SLC4A1AP: variants seen among roughly 807,000 people sequenced by gnomAD.
The protein encoded by SLC4A1AP is solute carrier family 4 member 1 adaptor protein, also known as kanadaptin.
Under a neutral mutation model 89.7 loss-of-function variants are expected in SLC4A1AP, and 64 were observed. That is an observed-to-expected ratio of 0.71 (90% CI 0.58 to 0.88). The LOEUF (loss-of-function observed/expected upper bound fraction) is 0.88, where lower values mean the gene tolerates loss of function less well. SLC4A1AP is among the 40% of genes least tolerant of loss of function. SLC4A1AP has a pLI of 0.00. For synonymous variants in SLC4A1AP, 366 were observed against 353.3 expected (o/e 1.04, Z -0.40); for missense variants, 931 against 965.0 (o/e 0.96, Z 0.47).
intron 5 of SLC4A1AP, among the ~76,000 whole-genome samples, chr2:27,670,462 G>T (rs563445233): frequency 3.3e-5 from 5 of 151,910 alleles, no homozygotes; most frequent in African/African-American, 1.2e-4. Context: ...CTACCAAAAG[G>T]CTTATAATAA....
At position 27,673,990 on chromosome 2, in the gene SLC4A1AP, T is replaced by TTGTG. The variant is rs56759152; in HGVS notation, c.1346-1504_1346-1501dup. On this transcript the variant is annotated intron_variant, in intron 5 of 13. Transcript: ENST00000613058. ...TCAGCATCACCAGGACATATACAAG[T>TTGTG]TGTGTGTGTGTGTGTGTGTGTGTGT... Among the ~76,000 whole-genome samples the TTGTG allele has an allele frequency of 2.0e-3, 293 of 148,658 alleles. 1 individual carries two copies. Among genetic ancestry groups the TTGTG allele is most frequent in the South Asian group, 0.015 (70 of 4,590 alleles).
rs1297402920 is a variant in SLC4A1AP, at chr2:27,694,946, C to T, written c.*263C>T. ...GAATTTGTAAAGTGAGAGACATGAT[C>T]CTATTAAAATAAGAAGGCAAAAATG... On this transcript the variant is annotated 3_prime_UTR_variant, in exon 14 of 14. Coordinates refer to ENST00000613058, the Ensembl canonical transcript of SLC4A1AP. 4.5e-5 allele frequency: 15 copies of T among 331,172 alleles called. No individual in the cohort carries two copies. The East Asian group carries it at 6.2e-4, about 14-fold the overall frequency. The allele number at this position is 331,172 out of a possible 1,614,324, so 20.5% of individuals were successfully genotyped here.
chr2:27,664,459 T>A, exon 1 of SLC4A1AP: 1 of 1,614,198 alleles, frequency 6.2e-7, no homozygotes, highest in Non-Finnish European at 8.5e-7. Context: ...CTCTACGATC[T>A]GGGAAGCACC....
chr2:27,679,996 A>C (rs1675593436), intron 8 of SLC4A1AP, among the ~76,000 whole-genome samples: 1 of 151,646 alleles, frequency 6.6e-6, no homozygotes, highest in Middle Eastern at 3.6e-3. Context: ...CCATGGAGGC[A>C]TGGGGCTTGG....
At chr2:27,667,636 A>T (rs1675353161) in intron 3 of SLC4A1AP, among the ~76,000 whole-genome samples, 1 of 152,056 alleles carries the variant, frequency 6.6e-6, no homozygotes, top group East Asian at 1.9e-4. Context: ...AAAAGGAAGT[A>T]CTTTTTCCTG....
chr2:27,666,366 C>CCT (rs1675321709), intron 2 of SLC4A1AP, among the ~76,000 whole-genome samples: 1 of 39,086 alleles, frequency 2.6e-5, no homozygotes, highest in African/African-American at 7.7e-5. Flanking sequence ...CCCACCCCCC[C>CCT]CCCCCACCCC....
chr2:27,680,662 G>C (rs1380413658), intron 8 of SLC4A1AP, among the ~76,000 whole-genome samples: 1 of 151,818 alleles, frequency 6.6e-6, no homozygotes, highest in Non-Finnish European at 1.5e-5. Context: ...GGTGGTGCTT[G>C]TCTGTAATCC....
At chr2:27,682,464 G>T in intron 9 of SLC4A1AP, 105 bp downstream of exon 9, 1 of 638,182 alleles carries the variant, frequency 1.6e-6, no homozygotes. Context: ...CCATAGTAAT[G>T]TGAGAAAGGG....
At chr2:27,678,193 T>C (rs1393329686) in intron 8 of SLC4A1AP, among the ~76,000 whole-genome samples, 2 of 152,192 alleles carry the variant, frequency 1.3e-5, no homozygotes, top group African/African-American at 4.8e-5. Flanking sequence ...AATCTTTTAG[T>C]GTAGAATAAA....
intron 5 of SLC4A1AP, among the ~76,000 whole-genome samples, chr2:27,670,639 G>A (rs1260624075): frequency 1.6e-4 from 24 of 151,368 alleles, no homozygotes; most frequent in African/African-American, 5.3e-4. Context: ...GGCGGATCAC[G>A]AGGTCAGGAG....
intron 10 of SLC4A1AP, among the ~76,000 whole-genome samples, chr2:27,685,808 T>C (rs1400280154): frequency 6.6e-6 from 1 of 152,156 alleles, no homozygotes; most frequent in African/African-American, 2.4e-5. Flanking sequence ...TGATGAAAAA[T>C]GTTGAAAGAC....
At chr2:27,672,558 C>T (rs1675442222) in intron 5 of SLC4A1AP, among the ~76,000 whole-genome samples, 1 of 152,086 alleles carries the variant, frequency 6.6e-6, no homozygotes, top group South Asian at 2.1e-4. Flanking sequence ...TATCTCCTCT[C>T]TGTTTTCTCC....
chr2:27,678,296 G>C (rs1006833505), intron 8 of SLC4A1AP, among the ~76,000 whole-genome samples: 3 of 152,102 alleles, frequency 2.0e-5, no homozygotes, highest in African/African-American at 7.2e-5. Context: ...TGTAATCCTA[G>C]AACTTTGGGA....
intron 10 of SLC4A1AP, among the ~76,000 whole-genome samples, chr2:27,686,114 G>T (rs1252146488): frequency 6.6e-6 from 1 of 152,108 alleles, no homozygotes; most frequent in Non-Finnish European, 1.5e-5. Flanking sequence ...ATAAAAACTG[G>T]CACTGAATGT....
intron 2 of SLC4A1AP, among the ~76,000 whole-genome samples, chr2:27,665,704 G>T (rs1192275327): frequency 1.3e-5 from 2 of 152,146 alleles, no homozygotes; most frequent in African/African-American, 4.8e-5. Flanking sequence ...TTTGTACTTT[G>T]TGAAGATATC....
At chr2:27,682,060 G>A (rs138717893) in intron 8 of SLC4A1AP, among the ~76,000 whole-genome samples, 188 bp from the exon 9 acceptor site, 303 of 152,310 alleles carry the variant, frequency 2.0e-3, no homozygotes, top group African/African-American at 7.0e-3. Context: ...GTCTGTGACA[G>A]TCAGCATTGT....
At chr2:27,679,906 A>G (rs992397770) in intron 8 of SLC4A1AP, among the ~76,000 whole-genome samples, 16 of 152,050 alleles carry the variant, frequency 1.1e-4, no homozygotes, top group African/African-American at 3.9e-4. Flanking sequence ...TCTATATGGG[A>G]GTGAGGGAAG....
chr2:27,682,377 G>T lies in SLC4A1AP; in HGVS notation c.1875+18G>T, dbSNP rs760497883. The stretch of plus-strand genomic sequence containing the variant: ...CAGTAGGGGTAAGTTGTGAGTCAGG[G>T]TGTTAAACTTTTAGCCCTTGAGTTA... On this transcript the variant is annotated intron_variant, in intron 9 of 13. Coordinates refer to ENST00000613058, the Ensembl canonical transcript of SLC4A1AP. 9.9e-6 allele frequency: 15 copies of T among 1,516,528 alleles called. No homozygotes were observed. The highest frequency in any genetic ancestry group is 5.3e-5 in the Admixed American group (3 of 56,696). The allele number at this position is 1,516,528 out of a possible 1,614,324, so 93.9% of individuals were successfully genotyped here.
At position 27,667,496 on chromosome 2, in the gene SLC4A1AP, C is replaced by T. The variant is rs1183457794; in HGVS notation, c.1144+106C>T. The T allele has an allele frequency of 2.0e-5, 22 of 1,100,032 alleles. No individual in the cohort carries two copies. In the East Asian group the frequency reaches 5.2e-4, roughly 26 times the overall value. The allele number at this position is 1,100,032 out of a possible 1,614,324, so 68.1% of individuals were successfully genotyped here. A position where few individuals can be genotyped will look rare whatever the true frequency, so the allele number is the denominator to read the frequency against. The stretch of plus-strand genomic sequence containing the variant: ...ACTAAGATATGCTATAATTTTATTG[C>T]TGTCCTTCTTGTTCACTTTTTACTC... On this transcript the variant is annotated intron_variant, in intron 3 of 13. Transcript: ENST00000613058.
Sources: gnomAD v4.1 joint callset for allele counts (sites outside exome capture counted in the v4.1 genomes callset) on GRCh38, gnomAD v4.1.1 for gene constraint, MANE v1.5 for transcripts, NCBI Gene and HGNC (gene_info 2026-07-23, HGNC 2026-07-21) for gene names.